SDK1: variants seen among roughly 807,000 people sequenced by gnomAD.
SDK1 encodes sidekick cell adhesion molecule 1.
SDK1 carries 157 observed loss-of-function variants against 245.5 expected under a neutral mutation model. The observed-to-expected ratio is 0.64, with a 90% CI of 0.56 to 0.73. The LOEUF is 0.73. SDK1 is among the 30% of genes least tolerant of loss of function. SDK1 has a pLI of 0.00. For synonymous variants in SDK1, 1,647 were observed against 1,278.5 expected, an observed-to-expected ratio of 1.29 and a Z score of -6.15; for missense variants, 3,583 against 3,002.3, an observed-to-expected ratio of 1.19 and a Z score of -4.52.
intron 17 of SDK1, among the ~76,000 whole-genome samples, chr7:4,038,137 G>A (rs1032533007): frequency 2.6e-5 from 4 of 152,106 alleles, no homozygotes; most frequent in East Asian, 1.9e-4. Context: ...GGCTAACGGC[G>A]CCACAGGAAA....
chr7:3,977,377 GACGGTCCTC>G (rs1783027982), intron 13 of SDK1, among the ~76,000 whole-genome samples: 2 of 123,398 alleles, frequency 1.6e-5, no homozygotes, highest in African/African-American at 5.4e-5. Context: ...CTGCCACACA[GACGGTCCTC>G]CAGAGAATCA....
intron 5 of SDK1, among the ~76,000 whole-genome samples, chr7:3,850,973 G>A (rs562778213): frequency 7.2e-5 from 11 of 152,148 alleles, no homozygotes; most frequent in South Asian, 6.2e-4. Flanking sequence ...AAACCTGCAC[G>A]TTGTGCAAGT....
At chr7:3,403,079 T>C (rs1778934611) in intron 1 of SDK1, among the ~76,000 whole-genome samples, 1 of 152,082 alleles carries the variant, frequency 6.6e-6, no homozygotes, top group African/African-American at 2.4e-5. Flanking sequence ...GGATTACAGC[T>C]GCATGCCACC....
chr7:3,315,375 C>G (rs1406978864), intron 1 of SDK1, among the ~76,000 whole-genome samples: 4 of 150,312 alleles, frequency 2.7e-5, no homozygotes, highest in East Asian at 1.9e-4. Flanking sequence ...GTTAAGGTCA[C>G]TCACTTCATA....
At position 3,455,604 on chromosome 7, in the gene SDK1, C is replaced by T. The variant is rs184281911; in HGVS notation, c.298+153720C>T. On this transcript the variant is annotated intron_variant, in intron 1 of 44. Coordinates refer to ENST00000404826, the MANE Select transcript of SDK1 (RefSeq NM_152744.4). ...ATTAGCTGGGCATCTTACTGTGTGT[C>T]TTTCTGGCTTCTCTACTCTGTTCCA... Among the ~76,000 whole-genome samples, 92 of 152,168 alleles carry T rather than the reference C, an allele frequency of 6.0e-4. 1 individual carries two copies. Among genetic ancestry groups the T allele is most frequent in the African/African-American group, 2.2e-3 (91 of 41,522 alleles).
chr7:4,109,850 G>C (rs2128190241), intron 22 of SDK1, among the ~76,000 whole-genome samples: 1 of 152,256 alleles, frequency 6.6e-6, no homozygotes, highest in African/African-American at 2.4e-5. Context: ...GGTCAGATTA[G>C]GGGAAATGAA....
chr7:4,049,167 C>T (rs541239202), intron 17 of SDK1, among the ~76,000 whole-genome samples, 181 bp from the exon 18 acceptor site: 1 of 152,300 alleles, frequency 6.6e-6, no homozygotes, highest in East Asian at 1.9e-4. Flanking sequence ...TGAAAAATAG[C>T]CCAATTCTCT....
intron 4 of SDK1, among the ~76,000 whole-genome samples, chr7:3,666,472 G>T (rs534489194): frequency 6.6e-6 from 1 of 152,268 alleles, no homozygotes; most frequent in Non-Finnish European, 1.5e-5. Context: ...CCAGGCTCCT[G>T]CCCTCACCCT....
At chr7:4,234,099 G>A (rs531208765) in intron 41 of SDK1, among the ~76,000 whole-genome samples, 1 of 152,308 alleles carries the variant, frequency 6.6e-6, no homozygotes, top group African/African-American at 2.4e-5. Context: ...GGGAGCCCAC[G>A]AGTGCCTGAC....
chr7:3,969,420 G>T lies in SDK1; in HGVS notation c.1710G>T (p.Val570=). Residue 570 remains valine (V), a synonymous_variant, in exon 11 of 45, where the codon GTG becomes GTT. Coordinates refer to ENST00000404826, the MANE Select transcript of SDK1 (RefSeq NM_152744.4). ...GSLNASATLT[V]WNRTSIVHPP... is the part of the protein sequence containing the mutation. Reference sequence around the variant, plus strand: ...TGAATGCATCGGCCACGCTCACTGTGTGGAGTAAGGAGCAGCCCTCGCACG... The same window carrying T: ...TGAATGCATCGGCCACGCTCACTGTTTGGAGTAAGGAGCAGCCCTCGCACG... The T allele has an allele frequency of 6.3e-7, 1 of 1,583,488 alleles. No individual in the cohort carries two copies. The highest frequency in any genetic ancestry group is 2.3e-5 in the East Asian group (1 of 43,584).
chr7:3,744,482 A>T (rs1216129519), intron 4 of SDK1, among the ~76,000 whole-genome samples: 1 of 152,172 alleles, frequency 6.6e-6, no homozygotes, highest in Non-Finnish European at 1.5e-5. Flanking sequence ...GAATATCATC[A>T]ATGAAAAAAA....
Position 4,079,458 on chromosome 7 carries a change from T to G in SDK1, c.3203-5T>G. ...CTCTCCCTTTCCTCCCTGGTTCCTC[T>G]CTAGACCTTCCTGGTGCCCCATCCA... On this transcript the variant is annotated splice_region_variant and splice_polypyrimidine_tract_variant and intron_variant, in intron 21 of 44. Transcript: ENST00000404826. 1 of 1,614,206 alleles carries G rather than the reference T, an allele frequency of 6.2e-7. No homozygotes were observed. Among genetic ancestry groups the G allele is most frequent in the Non-Finnish European group, 8.5e-7 (1 of 1,180,016 alleles).
chr7:3,375,346 A>G (rs941589551), intron 1 of SDK1, among the ~76,000 whole-genome samples: 2 of 152,334 alleles, frequency 1.3e-5, no homozygotes, highest in African/African-American at 4.8e-5. Context: ...AAGTAAGCCC[A>G]AGTACATATG....
intron 4 of SDK1, among the ~76,000 whole-genome samples, chr7:3,712,542 G>A (rs1785078463): frequency 6.6e-6 from 1 of 152,178 alleles, no homozygotes; most frequent in Admixed American, 6.5e-5. Context: ...CTGGTCTGTG[G>A]ATAAATTGTT....
At position 3,842,285 on chromosome 7, in the gene SDK1, G is replaced by T. The variant is rs78637864; in HGVS notation, c.847+20702G>T. 6.9e-3 allele frequency among the ~76,000 whole-genome samples: 1,057 copies of T among 152,296 alleles called. 13 individuals carry two copies. Among genetic ancestry groups the T allele is most frequent in the African/African-American group, 0.024 (989 of 41,572 alleles). ...CCAGACCTTAAGCTCTGCTGTGTTA[G>T]AGTCCTGCATCCCGGGAGATGATGC... is the stretch of plus-strand genomic sequence containing the variant. On this transcript the variant is annotated intron_variant, in intron 5 of 44. Coordinates refer to ENST00000404826, the MANE Select transcript of SDK1 (RefSeq NM_152744.4).
At chr7:3,504,865 T>G (rs1001675932) in intron 1 of SDK1, among the ~76,000 whole-genome samples, 1 of 151,966 alleles carries the variant, frequency 6.6e-6, no homozygotes, top group African/African-American at 2.4e-5. Context: ...CCTGAAAATG[T>G]TAAAATACAA....
chr7:4,113,913 G>T, intron 24 of SDK1, 124 bp from the exon 25 acceptor site: 1 of 696,686 alleles, frequency 1.4e-6, no homozygotes. Flanking sequence ...ATCCTTCTAA[G>T]ACTATTTCCC....
chr7:4,139,191 A>C (rs55998459), intron 28 of SDK1, among the ~76,000 whole-genome samples: 112,745 of 151,818 alleles, frequency 0.74, 41,944 homozygotes, highest in East Asian at 0.89. Context: ...CCCACCCCCC[A>C]TTTCCTGGAG....
chr7:4,212,622 C>T (rs1432705791), intron 38 of SDK1, among the ~76,000 whole-genome samples: 1 of 152,182 alleles, frequency 6.6e-6, no homozygotes, highest in Non-Finnish European at 1.5e-5. Flanking sequence ...ACGAGGCTGC[C>T]TTCGAGGTCC....
Sources: gnomAD v4.1 joint callset for allele counts (sites outside exome capture counted in the v4.1 genomes callset) on GRCh38, gnomAD v4.1.1 for gene constraint, MANE v1.5 for transcripts, NCBI Gene and HGNC (gene_info 2026-07-23, HGNC 2026-07-21) for gene names.